The following LRRC37A2 variants were observed in gnomAD, a reference collection of about 807,000 sequenced individuals.
The protein encoded by LRRC37A2 is leucine rich repeat containing 37 member A2.
Under a neutral mutation model 68.8 loss-of-function variants are expected in LRRC37A2, and 9 were observed. The ratio of observed to expected loss-of-function variants is 0.13; its 90% CI spans 0.08 to 0.23. LRRC37A2 has a LOEUF of 0.23. Ranked by LOEUF, LRRC37A2 falls within the 10% of genes least tolerant of loss-of-function variation. The probability of loss-of-function intolerance (pLI) is 1.00; values close to 1 mark genes in which losing one functional copy is unlikely to be tolerated. For missense variants in LRRC37A2, 168 were observed against 950.4 expected (o/e 0.18, Z 10.82); for synonymous variants, 63 against 367.6 (o/e 0.17, Z 9.48).
the LRRC37A2 span, among the ~76,000 whole-genome samples, chr17:46,779,053 TCACACACACA>T: frequency 0.04 from 4,044 of 100,612 alleles, 122 homozygotes; most frequent in African/African-American, 0.056. Flanking sequence ...CCCTACCCCA[TCACACACACA>T]CACACACACA....
chr17:46,732,196 A>G, the LRRC37A2 span, among the ~76,000 whole-genome samples: 1 of 152,236 alleles, frequency 6.6e-6, no homozygotes, highest in South Asian at 2.1e-4. Flanking sequence ...CAGTAATCAT[A>G]TCAGTCACAG....
the LRRC37A2 span, among the ~76,000 whole-genome samples, chr17:46,829,962 G>A: frequency 1.3e-5 from 2 of 152,116 alleles, no homozygotes; most frequent in African/African-American, 4.8e-5. Flanking sequence ...AAATGGCATA[G>A]TTTACCCAAA....
chr17:46,949,810 G>C, the LRRC37A2 span, among the ~76,000 whole-genome samples: 1 of 152,182 alleles, frequency 6.6e-6, no homozygotes, highest in Non-Finnish European at 1.5e-5. Flanking sequence ...TCTAGCAAAG[G>C]GGTGTGCTCT....
chr17:46,868,780 G>A, the LRRC37A2 span, among the ~76,000 whole-genome samples: 5 of 152,170 alleles, frequency 3.3e-5, no homozygotes, highest in Non-Finnish European at 7.3e-5. Flanking sequence ...GGGCTGGGAT[G>A]CCAAACAGTA....
the LRRC37A2 span, among the ~76,000 whole-genome samples, chr17:46,854,723 T>C: frequency 2.0e-5 from 3 of 152,124 alleles, no homozygotes; most frequent in Non-Finnish European, 4.4e-5. Flanking sequence ...TGCAGTGTCA[T>C]GATCTCGGCT....
chr17:46,375,114 CTGGTT>C, the LRRC37A2 span, among the ~76,000 whole-genome samples: 1 of 64,724 alleles, frequency 1.5e-5, no homozygotes, highest in Admixed American at 1.5e-4. Flanking sequence ...GCCAAAGACT[CTGGTT>C]TGGGGGAATG....
At chr17:46,850,680 G>A in the LRRC37A2 span, among the ~76,000 whole-genome samples, 3 of 152,274 alleles carry the variant, frequency 2.0e-5, no homozygotes, top group East Asian at 5.8e-4. Context: ...TTCTAGACAG[G>A]TACCACGCGC....
the LRRC37A2 span, among the ~76,000 whole-genome samples, chr17:46,501,175 C>A: frequency 4.0e-5 from 6 of 151,134 alleles, no homozygotes; most frequent in Admixed American, 3.9e-4. Context: ...AGCCACCATG[C>A]CCAGCTATAT....
chr17:46,942,778 C>T, the LRRC37A2 span, among the ~76,000 whole-genome samples: 1 of 152,228 alleles, frequency 6.6e-6, no homozygotes, highest in Admixed American at 6.5e-5. Context: ...TACTTAGAAG[C>T]TGAGAAAGGA....
At chr17:46,912,061 C>T in the LRRC37A2 span, among the ~76,000 whole-genome samples, 5 of 152,128 alleles carry the variant, frequency 3.3e-5, no homozygotes, top group Non-Finnish European at 7.4e-5. Context: ...TCCACACCCA[C>T]GATTGACCAG....
chr17:46,500,540 A>G, the LRRC37A2 span, among the ~76,000 whole-genome samples: 2 of 150,128 alleles, frequency 1.3e-5, no homozygotes, highest in African/African-American at 5.0e-5. Context: ...GTTTCGAGGC[A>G]GCTTTTCAAA....
At chr17:46,762,106 T>G in the LRRC37A2 span, among the ~76,000 whole-genome samples, 1 of 152,200 alleles carries the variant, frequency 6.6e-6, no homozygotes, top group Admixed American at 6.5e-5. Context: ...AATCCTATTT[T>G]CCCATTAAAT....
the LRRC37A2 span, among the ~76,000 whole-genome samples, chr17:46,925,875 A>G: frequency 6.6e-6 from 1 of 152,238 alleles, no homozygotes; most frequent in Non-Finnish European, 1.5e-5. Flanking sequence ...AATGAAAACA[A>G]TAAACATTTT....
the LRRC37A2 span, among the ~76,000 whole-genome samples, chr17:46,947,165 C>T: frequency 3.3e-5 from 5 of 152,298 alleles, no homozygotes; most frequent in East Asian, 1.9e-4. Context: ...GAACCCTCAG[C>T]TGTCTCTGAA....
At chr17:46,890,160 C>T in the LRRC37A2 span, among the ~76,000 whole-genome samples, 4 of 152,160 alleles carry the variant, frequency 2.6e-5, no homozygotes, top group Non-Finnish European at 5.9e-5. Context: ...CCTGTCAGTC[C>T]CCCGCTGCTC....
chr17:46,900,192 T>TACACATAC, the LRRC37A2 span, among the ~76,000 whole-genome samples: 1 of 97,482 alleles, frequency 1.0e-5, no homozygotes, highest in African/African-American at 5.2e-5. Context: ...TATATATATA[T>TACACATAC]ATATATATAT....
At chr17:46,912,979 A>G in the LRRC37A2 span, among the ~76,000 whole-genome samples, 1 of 152,204 alleles carries the variant, frequency 6.6e-6, no homozygotes, top group Non-Finnish European at 1.5e-5. Flanking sequence ...TCTGAAGTTT[A>G]GTGTCCTTGT....
At chr17:46,936,036 G>A in the LRRC37A2 span, 1 of 985,804 alleles carries the variant, frequency 1.0e-6, no homozygotes, top group South Asian at 4.7e-5. Flanking sequence ...GTACGTTTCT[G>A]AACAGTCCCT....
chr17:46,882,778 G>A, the LRRC37A2 span, among the ~76,000 whole-genome samples: 1 of 152,184 alleles, frequency 6.6e-6, no homozygotes, highest in Admixed American at 6.5e-5. Context: ...CAGGGTCCTA[G>A]ATGCCATGGT....
Sources: allele counts gnomAD v4.1 joint callset (sites outside exome capture counted in the v4.1 genomes callset), GRCh38; gene constraint gnomAD v4.1.1; transcripts MANE v1.5; gene names NCBI Gene and HGNC (gene_info 2026-07-23, HGNC 2026-07-21).